The following UBE3A variants were observed in gnomAD, a reference collection of about 807,000 sequenced individuals.
UBE3A encodes ubiquitin protein ligase E3A.
In UBE3A, 6 loss-of-function variants were observed where a neutral mutation model predicts 83.4. That is an observed-to-expected ratio of 0.07 (90% confidence interval 0.04 to 0.14). The LOEUF (loss-of-function observed/expected upper bound fraction) is 0.14. Among genes scored for constraint, UBE3A ranks in the 10% least tolerant of loss-of-function variants. UBE3A has a pLI of 1.00. For missense variants in UBE3A, 456 were observed against 1,036.1 expected, an observed-to-expected ratio of 0.44 and a Z score of 7.69; for synonymous variants, 337 against 355.4, an observed-to-expected ratio of 0.95 and a Z score of 0.58.
chr15:25,349,188 A>AT (rs1399149162), intron 11 of UBE3A, among the ~76,000 whole-genome samples: 2 of 152,240 alleles, frequency 1.3e-5, no homozygotes, highest in African/African-American at 2.4e-5. Context: ...TCTCTTTAAC[A>AT]AATGGTACTG....
intron 11 of UBE3A, among the ~76,000 whole-genome samples, chr15:25,350,738 A>ACTACT (rs1172062983): frequency 6.6e-6 from 1 of 152,208 alleles, no homozygotes; most frequent in East Asian, 1.9e-4. Flanking sequence ...ATAATGCAAC[A>ACTACT]CTACTCTATA....
At chr15:25,426,807 T>G (rs1891447007) in intron 1 of UBE3A, among the ~76,000 whole-genome samples, 1 of 151,940 alleles carries the variant, frequency 6.6e-6, no homozygotes, top group African/African-American at 2.4e-5. Flanking sequence ...TTACAAAATA[T>G]TTCAATGTGG....
intron 11 of UBE3A, among the ~76,000 whole-genome samples, chr15:25,351,177 T>C (rs752172023): frequency 6.6e-6 from 1 of 152,186 alleles, no homozygotes; most frequent in Admixed American, 6.5e-5. Context: ...TTATCGTATA[T>C]GATATGTACA....
In UBE3A at chr15:25,351,300, G is replaced by A. The variant is rs925884929; in HGVS notation, c.2354+3053C>T. Among the ~76,000 whole-genome samples, 3 of 151,998 alleles carry A rather than the reference G, an allele frequency of 2.0e-5. No individual in the cohort carries two copies. In the East Asian group the frequency reaches 5.8e-4, roughly 29 times the overall value. On this transcript the variant is annotated intron_variant, in intron 11 of 12. Coordinates refer to ENST00000648336, the MANE Select transcript of UBE3A (RefSeq NM_130839.5). ...GTATTACAGGTAATAAAGGAAGGAGGAATAAAGAATTCGAGTATCACAATT... is the reference window on the plus strand; with the variant it reads ...GTATTACAGGTAATAAAGGAAGGAGAAATAAAGAATTCGAGTATCACAATT...
rs2076971153 is a variant in UBE3A, at chr15:25,354,591, A to G, written c.2217T>C (p.Asn739=). ...TGAATAAGTACTTTAAGGGAGATTC[A>G]TTGGTCACCATATGAAAACCTCTCC... ...AFRRGFHMVT[N]ESPLKYLFRP... The change falls in exon 10 of 13, where the codon AAT becomes AAC. Residue 739 remains asparagine (N), a synonymous_variant. Transcript: ENST00000648336. 1 of 1,613,886 alleles carries G rather than the reference A, an allele frequency of 6.2e-7. No individual in the cohort carries two copies. The highest frequency in any genetic ancestry group is 8.5e-7 in the Non-Finnish European group (1 of 1,179,922).
chr15:25,408,651 T>C, intron 3 of UBE3A: 1 of 1,613,784 alleles, frequency 6.2e-7, no homozygotes, highest in African/African-American at 1.3e-5. Context: ...TTCTCCATCC[T>C]GCAAGCCACT....
intron 12 of UBE3A, 91 bp downstream of exon 12, chr15:25,339,994 T>TG: frequency 6.6e-7 from 1 of 1,513,710 alleles, no homozygotes; most frequent in Non-Finnish European, 9.2e-7. Flanking sequence ...ATCACGAATG[T>TG]GCTCAGAAAC....
At chr15:25,432,066 G>A (rs1893622391) in intron 1 of UBE3A, among the ~76,000 whole-genome samples, 1 of 152,162 alleles carries the variant, frequency 6.6e-6, no homozygotes. Context: ...AGACAAAAAA[G>A]TATTTGTTGG....
At chr15:25,362,582 T>C (rs567253012) in intron 6 of UBE3A, among the ~76,000 whole-genome samples, 26 of 152,348 alleles carry the variant, frequency 1.7e-4, no homozygotes, top group Middle Eastern at 6.8e-3. Context: ...CCAAAGGAAC[T>C]TGATATAGAC....
At chr15:25,360,254 T>C in intron 7 of UBE3A, 129 bp downstream of exon 7, 2 of 1,208,668 alleles carry the variant, frequency 1.7e-6, no homozygotes, top group Non-Finnish European at 2.3e-6. Flanking sequence ...TGATGTGTGA[T>C]TCTGGGTAAT....
intron 4 of UBE3A, among the ~76,000 whole-genome samples, chr15:25,385,142 A>C (rs899156507): frequency 1.3e-5 from 2 of 152,346 alleles, no homozygotes; most frequent in East Asian, 1.9e-4. Flanking sequence ...TACAAAGCAA[A>C]CAGTAAATGG....
At chr15:25,341,156 G>A (rs928049846) in intron 11 of UBE3A, among the ~76,000 whole-genome samples, 3 of 151,314 alleles carry the variant, frequency 2.0e-5, no homozygotes, top group Non-Finnish European at 2.9e-5. Context: ...TGCAAGCTCC[G>A]CCTCCTGGGT....
intron 9 of UBE3A, among the ~76,000 whole-genome samples, chr15:25,355,053 T>C (rs2077040156): frequency 6.6e-6 from 1 of 152,204 alleles, no homozygotes; most frequent in African/African-American, 2.4e-5. Flanking sequence ...TAAACAGAAC[T>C]GAATATAAAT....
chr15:25,360,548 C>G (rs773378507), intron 6 of UBE3A, 21 bp from the exon 7 acceptor site: 4 of 1,610,860 alleles, frequency 2.5e-6, no homozygotes, highest in Middle Eastern at 1.7e-4. Flanking sequence ...AAAAGATAAA[C>G]ATGAAAAGAA....
intron 6 of UBE3A, among the ~76,000 whole-genome samples, chr15:25,365,467 G>A (rs1425477175): frequency 6.6e-6 from 1 of 151,834 alleles, no homozygotes; most frequent in Non-Finnish European, 1.5e-5. Context: ...CTAGCTTCAA[G>A]GCCGGGCGTG....
chr15:25,416,225 G>A (rs999851362), intron 1 of UBE3A, among the ~76,000 whole-genome samples: 1 of 152,118 alleles, frequency 6.6e-6, no homozygotes, highest in Non-Finnish European at 1.5e-5. Context: ...TAGAGCAGCA[G>A]CAATATTCTT....
At chr15:25,436,956 C>A (rs907004702) in intron 1 of UBE3A, among the ~76,000 whole-genome samples, 1 of 152,150 alleles carries the variant, frequency 6.6e-6, no homozygotes, top group Admixed American at 6.5e-5. Context: ...GTAAGACTAG[C>A]ATAGTTTACA....
chr15:25,409,104 C>T lies in UBE3A; in HGVS notation c.4G>A (p.Ala2Thr). 1.3e-6 allele frequency: 2 copies of T among 1,594,950 alleles called. No individual in the cohort carries two copies. Among genetic ancestry groups the T allele is most frequent in the Non-Finnish European group, 1.7e-6 (2 of 1,169,872 alleles). Residue 2 changes from alanine (A) to threonine (T), a missense_variant, in exon 3 of 13, where the codon GCC becomes ACC. This residue lies in a region of UBE3A where 23 missense variants were observed against 18.6 expected (regional missense o/e 1.24). Coordinates refer to ENST00000648336, the MANE Select transcript of UBE3A (RefSeq NM_130839.5). Reference protein sequence around the residue: MATACKRSGEPQ... With the variant: MTTACKRSGEPQ... Reference sequence around the variant, plus strand: ...CAAAATTACCTTTTACAAGCTGTGGCCATTCGGTGACATCAGGGTGATCAC... The same window carrying T: ...CAAAATTACCTTTTACAAGCTGTGGTCATTCGGTGACATCAGGGTGATCAC...
chr15:25,339,707 A>G (rs992525961), intron 12 of UBE3A: 7 of 324,910 alleles, frequency 2.2e-5, no homozygotes, highest in African/African-American at 6.4e-5. Context: ...TGCTGGCAAT[A>G]TGACTAAGAA....
Sources: allele counts gnomAD v4.1 joint callset (sites outside exome capture counted in the v4.1 genomes callset), GRCh38; gene constraint gnomAD v4.1.1; regional missense constraint gnomAD v4.1.1; transcripts MANE v1.5; gene names NCBI Gene and HGNC (gene_info 2026-07-23, HGNC 2026-07-21).